ADAMTS6: variants seen among roughly 807,000 people sequenced by gnomAD.
ADAMTS6 encodes the protein A disintegrin and metalloproteinase with thrombospondin motifs 6.
ADAMTS6 carries 23 observed loss-of-function variants against 144.3 expected under a neutral mutation model. That is an observed-to-expected ratio of 0.16 (90% CI 0.11 to 0.23). The LOEUF (loss-of-function observed/expected upper bound fraction) is 0.23. Among genes scored for constraint, ADAMTS6 ranks in the 10% least tolerant of loss-of-function variants. The probability of loss-of-function intolerance (pLI) is 1.00; values close to 1 mark genes in which losing one functional copy is unlikely to be tolerated. For synonymous variants in ADAMTS6, 444 were observed against 457.5 expected, an observed-to-expected ratio of 0.97 and a Z score of 0.38; for missense variants, 999 against 1,379.6, an observed-to-expected ratio of 0.72 and a Z score of 4.37.
intron 20 of ADAMTS6, among the ~76,000 whole-genome samples, chr5:65,208,341 TG>T (rs1446519636): frequency 6.6e-6 from 1 of 152,192 alleles, no homozygotes; most frequent in African/African-American, 2.4e-5. Context: ...GAAGACTCTC[TG>T]GGGGTGGGGA....
intron 20 of ADAMTS6, among the ~76,000 whole-genome samples, chr5:65,199,952 A>C (rs762350689): frequency 1.3e-5 from 2 of 152,172 alleles, no homozygotes; most frequent in Non-Finnish European, 1.5e-5. Context: ...TTTTTTATGA[A>C]GTAAAAATTA....
chr5:65,211,219 A>G (rs1398448004), intron 20 of ADAMTS6, among the ~76,000 whole-genome samples: 1 of 152,232 alleles, frequency 6.6e-6, no homozygotes, highest in African/African-American at 2.4e-5. Flanking sequence ...TAAGCTTCTT[A>G]AGAACCTGGG....
intron 21 of ADAMTS6, among the ~76,000 whole-genome samples, chr5:65,196,551 A>AAAAAAAAG (rs1561269572): frequency 4.1e-5 from 6 of 146,532 alleles, no homozygotes; most frequent in African/African-American, 1.3e-4. Flanking sequence ...AAAAAAAAAA[A>AAAAAAAAG]AGAGGTCTTT....
intron 11 of ADAMTS6, among the ~76,000 whole-genome samples, chr5:65,274,014 G>T (rs1310424237): frequency 1.3e-5 from 2 of 152,108 alleles, no homozygotes; most frequent in African/African-American, 4.8e-5. Context: ...GTTATTTTCA[G>T]TACATCAATT....
intron 7 of ADAMTS6, among the ~76,000 whole-genome samples, chr5:65,437,007 C>T (rs555678901): frequency 5.3e-5 from 8 of 152,164 alleles, no homozygotes; most frequent in Admixed American, 1.3e-4. Flanking sequence ...TCCACATGGC[C>T]GGGGAGGCCT....
At chr5:65,296,065 T>A (rs1742807872) in intron 10 of ADAMTS6, among the ~76,000 whole-genome samples, 1 of 152,140 alleles carries the variant, frequency 6.6e-6, no homozygotes, top group Non-Finnish European at 1.5e-5. Flanking sequence ...ATAACAGTTA[T>A]ACCATAAAAT....
chr5:65,225,155 G>A, intron 16 of ADAMTS6, 108 bp from the exon 17 acceptor site: 1 of 1,257,120 alleles, frequency 8.0e-7, no homozygotes. Flanking sequence ...GTAAAGAAAA[G>A]AAAAATAAGG....
chr5:65,359,558 T>G (rs1477395087), intron 7 of ADAMTS6, among the ~76,000 whole-genome samples: 1 of 152,156 alleles, frequency 6.6e-6, no homozygotes, highest in Non-Finnish European at 1.5e-5. Context: ...CAGGTATATG[T>G]CCAAAGTCAA....
chr5:65,209,593 G>C (rs1231190334), intron 20 of ADAMTS6, among the ~76,000 whole-genome samples: 6 of 152,154 alleles, frequency 3.9e-5, no homozygotes, highest in Non-Finnish European at 5.9e-5. Flanking sequence ...AACAGAAAAA[G>C]TCTCAAGCTT....
intron 3 of ADAMTS6, among the ~76,000 whole-genome samples, chr5:65,462,092 C>G (rs962708446): frequency 5.3e-5 from 8 of 152,120 alleles, no homozygotes; most frequent in African/African-American, 1.9e-4. Context: ...GGAAAATAGT[C>G]CCTATATTAA....
intron 21 of ADAMTS6, among the ~76,000 whole-genome samples, chr5:65,196,522 CAAAAAAAAAAAAAAAAAA>C (rs533444182): frequency 2.6e-5 from 1 of 38,036 alleles, no homozygotes; most frequent in Non-Finnish European, 5.2e-5. Context: ...GACTCCGTCT[CAAAAAAAAAAAAAAAAAA>C]AAAAAAAAAA....
At chr5:65,334,385 T>A (rs1747106581) in intron 7 of ADAMTS6, among the ~76,000 whole-genome samples, 1 of 152,168 alleles carries the variant, frequency 6.6e-6, no homozygotes, top group Non-Finnish European at 1.5e-5. Flanking sequence ...GAAGCTAGAG[T>A]ACCTTGTCTG....
At chr5:65,388,454 C>T (rs1752652197) in intron 7 of ADAMTS6, among the ~76,000 whole-genome samples, 1 of 152,094 alleles carries the variant, frequency 6.6e-6, no homozygotes, top group Non-Finnish European at 1.5e-5. Context: ...TTAGTTTAGG[C>T]AAGTTGTTTT....
At chr5:65,229,302 G>A (rs908278925) in intron 15 of ADAMTS6, among the ~76,000 whole-genome samples, 2 of 152,132 alleles carry the variant, frequency 1.3e-5, no homozygotes, top group African/African-American at 4.8e-5. Flanking sequence ...CTTTAACTGG[G>A]CTGTTTGGTA....
At chr5:65,274,775 C>T (rs560253826) in intron 11 of ADAMTS6, among the ~76,000 whole-genome samples, 1 of 152,300 alleles carries the variant, frequency 6.6e-6, no homozygotes, top group Non-Finnish European at 1.5e-5. Context: ...ACCTCCACCT[C>T]CTGGGTTCAA....
intron 7 of ADAMTS6, among the ~76,000 whole-genome samples, chr5:65,393,965 G>C (rs1753126396): frequency 6.6e-6 from 1 of 152,202 alleles, no homozygotes; most frequent in South Asian, 2.1e-4. Context: ...TGGCCCTAGA[G>C]AGGTCAGGTA....
At chr5:65,340,209 G>A (rs1003107309) in intron 7 of ADAMTS6, among the ~76,000 whole-genome samples, 1 of 151,792 alleles carries the variant, frequency 6.6e-6, no homozygotes, top group African/African-American at 2.4e-5. Context: ...AGGAGAGAAT[G>A]AGAAGGTGTA....
At chr5:65,434,440 G>T (rs1389056759) in intron 7 of ADAMTS6, among the ~76,000 whole-genome samples, 1 of 152,150 alleles carries the variant, frequency 6.6e-6, no homozygotes, top group Non-Finnish European at 1.5e-5. Context: ...TGGGTGAATT[G>T]TATGGTGTGT....
intron 7 of ADAMTS6, among the ~76,000 whole-genome samples, chr5:65,354,504 T>C (rs1466693605): frequency 6.6e-6 from 1 of 151,888 alleles, no homozygotes; most frequent in Non-Finnish European, 1.5e-5. Flanking sequence ...GACATTTTAA[T>C]TATTGTTGCT....
Sources: allele counts gnomAD v4.1 joint callset (sites outside exome capture counted in the v4.1 genomes callset), GRCh38; gene constraint gnomAD v4.1.1; transcripts MANE v1.5; gene names NCBI Gene and HGNC (gene_info 2026-07-23, HGNC 2026-07-21).